The following RIPOR3 variants were observed in gnomAD, a reference collection of about 807,000 sequenced individuals.
The protein encoded by RIPOR3 is RIPOR family member 3, also known as family with sequence similarity 65 member C.
RIPOR3 carries 95 observed loss-of-function variants against 114.3 expected under a neutral mutation model. That is an observed-to-expected ratio of 0.83 (90% confidence interval 0.70 to 0.99). The LOEUF is 0.99. RIPOR3 is among the 50% of genes least tolerant of loss of function. The probability of loss-of-function intolerance (pLI) is 0.00; values close to 1 mark genes in which losing one functional copy is unlikely to be tolerated. For synonymous variants in RIPOR3, 575 were observed against 543.8 expected (o/e 1.06, Z -0.80); for missense variants, 1,252 against 1,266.9 (o/e 0.99, Z 0.18).
chr20:50,597,746 G>A lies in RIPOR3; in HGVS notation c.1660-36C>T, dbSNP rs757663830. On this transcript the variant is annotated intron_variant, in intron 13 of 21. Coordinates refer to ENST00000327979, the MANE Select transcript of RIPOR3 (RefSeq NM_001290268.2). Reference sequence around the variant, plus strand: ...AGTGGCCAGACCTGAGGGCAACACCGGGCCCCACCCACCCGACTGGGACAC... The same window carrying A: ...AGTGGCCAGACCTGAGGGCAACACCAGGCCCCACCCACCCGACTGGGACAC... 41 of 1,603,490 alleles carry A rather than the reference G, an allele frequency of 2.6e-5. No homozygotes were observed. In the Admixed American group the frequency reaches 4.9e-4, roughly 19 times the overall value.
intron 1 of RIPOR3, among the ~76,000 whole-genome samples, chr20:50,654,833 C>A (rs2085750329): frequency 1.3e-5 from 2 of 152,200 alleles, no homozygotes; most frequent in South Asian, 4.1e-4. Context: ...GCAGCCTCAA[C>A]TTCCCAAACT....
rs73615324 is a variant in RIPOR3, at chr20:50,686,546, C to A, written c.3+4580G>T. Among the ~76,000 whole-genome samples the A allele has an allele frequency of 3.3e-5, 5 of 151,712 alleles. No homozygotes were observed. The South Asian group carries it at 1.0e-3, about 32-fold the overall frequency. On this transcript the variant is annotated intron_variant, in intron 1 of 21. Transcript: ENST00000327979. ...GGTAGATCACCTGAGGTCAGGAGTT[C>A]GAGACCAGCCTGACCAATATGGTGA... is the stretch of plus-strand genomic sequence containing the variant.
chr20:50,644,781 G>A (rs561486216), intron 1 of RIPOR3, among the ~76,000 whole-genome samples: 1 of 136,440 alleles, frequency 7.3e-6, no homozygotes, highest in East Asian at 2.4e-4. Flanking sequence ...TCAACCTCCC[G>A]AAGTGTTGGG....
At chr20:50,690,946 G>A (rs905564735) in intron 1 of RIPOR3, among the ~76,000 whole-genome samples, 180 bp downstream of exon 1, 1 of 152,152 alleles carries the variant, frequency 6.6e-6, no homozygotes, top group Admixed American at 6.5e-5. Flanking sequence ...CTTGCCTAAG[G>A]CCACACAGCA....
intron 21 of RIPOR3, among the ~76,000 whole-genome samples, 162 bp from the exon 22 acceptor site, chr20:50,587,494 C>T (rs1266452546): frequency 2.0e-5 from 3 of 152,196 alleles, no homozygotes; most frequent in Non-Finnish European, 2.9e-5. Context: ...TGGTGACTCA[C>T]ATGGCCTGGG....
chr20:50,661,185 C>T (rs2085983669), intron 1 of RIPOR3, among the ~76,000 whole-genome samples: 1 of 151,584 alleles, frequency 6.6e-6, no homozygotes. Context: ...TTGCAGTGAG[C>T]CAAAATCACG....
At chr20:50,630,414 C>A (rs1272252211) in intron 2 of RIPOR3, among the ~76,000 whole-genome samples, 1 of 152,212 alleles carries the variant, frequency 6.6e-6, no homozygotes, top group African/African-American at 2.4e-5. Flanking sequence ...CTGTGCCCAG[C>A]CAGAGCCTCA....
chr20:50,626,037 A>G (rs2084606351), intron 2 of RIPOR3, among the ~76,000 whole-genome samples: 1 of 152,244 alleles, frequency 6.6e-6, no homozygotes, highest in Non-Finnish European at 1.5e-5. Flanking sequence ...CTCTCCATGC[A>G]GAGCCCTGCC....
At chr20:50,655,751 C>T (rs1028053953) in intron 1 of RIPOR3, among the ~76,000 whole-genome samples, 2 of 151,644 alleles carry the variant, frequency 1.3e-5, no homozygotes, top group East Asian at 3.9e-4. Context: ...AAAGACTCAG[C>T]CAGGACACTC....
At chr20:50,651,516 C>T (rs1174091378) in intron 1 of RIPOR3, among the ~76,000 whole-genome samples, 1 of 152,184 alleles carries the variant, frequency 6.6e-6, no homozygotes, top group Non-Finnish European at 1.5e-5. Flanking sequence ...TGGAAGGCCC[C>T]TACTCAATCT....
Position 50,593,298 on chromosome 20 carries a change from C to T in RIPOR3, c.2213-102G>A, listed in dbSNP as rs559622191. The T allele has an allele frequency of 9.3e-5, 122 of 1,306,386 alleles. No individual in the cohort carries two copies. The East Asian group carries it at 2.1e-3, about 22-fold the overall frequency. 80.9% of individuals were successfully genotyped at this position (1,306,386 alleles called of 1,614,324 possible). A position where few individuals can be genotyped will look rare whatever the true frequency, so the allele number is the denominator to read the frequency against. ...CAGCTAAAAGGCTTTCTGGGCCGGG[C>T]GCAGTGGCTCGCACCTGTAACCCCA... On this transcript the variant is annotated intron_variant, in intron 17 of 21. Transcript: ENST00000327979.
intron 2 of RIPOR3, among the ~76,000 whole-genome samples, chr20:50,629,882 C>G (rs1382632575): frequency 6.6e-6 from 1 of 152,210 alleles, no homozygotes. Context: ...GTGGAAGACC[C>G]AACCCTGGGC....
In RIPOR3 at chr20:50,609,713, G is replaced by A. The variant is rs563625607; in HGVS notation, c.436C>T (p.Leu146=). 227 of 1,375,130 alleles carry A rather than the reference G, an allele frequency of 1.7e-4. 3 individuals carry two copies. In the South Asian group the frequency reaches 4.0e-3, roughly 24 times the overall value. The allele number at this position is 1,375,130 out of a possible 1,614,324, so 85.2% of individuals were successfully genotyped here. A position where few individuals can be genotyped will look rare whatever the true frequency, so the allele number is the denominator to read the frequency against. ...CACTGGATGCAGTAGTCCTCGTACA[G>A]CTCATCCACCTGTGGTGGGCACACG... ...MEFHISKVDE[L]YEDYCIQCRL... Residue 146 remains leucine, a synonymous_variant, in exon 7 of 22, where the codon CTG becomes TTG. Transcript: ENST00000327979.
intron 2 of RIPOR3, among the ~76,000 whole-genome samples, chr20:50,622,073 C>G (rs930038664): frequency 6.6e-6 from 1 of 152,188 alleles, no homozygotes; most frequent in Non-Finnish European, 1.5e-5. Flanking sequence ...GCTCTTAGCC[C>G]TCTAAAGCCA....
intron 1 of RIPOR3, among the ~76,000 whole-genome samples, chr20:50,642,345 G>GGTGTGTGT (rs71190581): frequency 4.1e-5 from 4 of 96,438 alleles, no homozygotes; most frequent in South Asian, 3.3e-4. Context: ...GTTCTCTGTG[G>GGTGTGTGT]GTGTGTGTGT....
At position 50,602,016 on chromosome 20, in the gene RIPOR3, CCAGT is replaced by C. The variant is rs2122980632; in HGVS notation, c.1659+52_1659+55del. The C allele has an allele frequency of 7.0e-7, 1 of 1,425,058 alleles. No individual in the cohort carries two copies. The highest frequency in any genetic ancestry group is 2.9e-5 in the Admixed American group (1 of 34,868). The allele number at this position is 1,425,058 out of a possible 1,614,324, so 88.3% of individuals were successfully genotyped here. A position where few individuals can be genotyped will look rare whatever the true frequency, so the allele number is the denominator to read the frequency against. ...TGCGTGGCCCCAGAGCCCCCGACTC[CCAGT>C]CATCATGCCATCAGCAAAGCAGGGC... On this transcript the variant is annotated intron_variant, in intron 13 of 21. Transcript: ENST00000327979. The surrounding 1 kb of genome is among the most constrained non-coding windows in gnomAD (Gnocchi z 4.3).
intron 1 of RIPOR3, chr20:50,645,845 G>A (rs992189553): frequency 6.6e-6 from 1 of 152,246 alleles, no homozygotes; most frequent in African/African-American, 2.4e-5. Context: ...ACGGGAAGTG[G>A]TCAAGGGTTC....
chr20:50,597,760 C>A (rs750992312), intron 13 of RIPOR3, 50 bp from the exon 14 acceptor site: 1 of 1,593,412 alleles, frequency 6.3e-7, no homozygotes, highest in South Asian at 1.1e-5. Flanking sequence ...CCCACCCACC[C>A]GACTGGGACA....
intron 1 of RIPOR3, among the ~76,000 whole-genome samples, chr20:50,665,885 C>T (rs1239674206): frequency 6.6e-6 from 1 of 152,050 alleles, no homozygotes; most frequent in African/African-American, 2.4e-5. Flanking sequence ...TAAGGCCCCC[C>T]GTCGCCACGC....
Sources: gnomAD v4.1 joint callset for allele counts (sites outside exome capture counted in the v4.1 genomes callset) on GRCh38, gnomAD v4.1.1 for gene constraint, Gnocchi (gnomAD v3.1) non-coding constraint, MANE v1.5 for transcripts, NCBI Gene and HGNC (gene_info 2026-07-23, HGNC 2026-07-21) for gene names.